SSBP2: variants seen among roughly 807,000 people sequenced by gnomAD.
The protein encoded by SSBP2 is single stranded DNA binding protein 2, also known as single-stranded DNA-binding protein 2.
Under a neutral mutation model 61.8 loss-of-function variants are expected in SSBP2, and 17 were observed. The observed-to-expected ratio is 0.28, with a 90% CI of 0.19 to 0.41. SSBP2 has a LOEUF of 0.41. Ranked by LOEUF, SSBP2 falls within the 10% of genes least tolerant of loss-of-function variation. SSBP2 has a pLI of 1.00. For missense variants in SSBP2, 310 were observed against 458.7 expected, an observed-to-expected ratio of 0.68 and a Z score of 2.96; for synonymous variants, 139 against 141.3, an observed-to-expected ratio of 0.98 and a Z score of 0.12.
At chr5:81,652,582 C>T (rs937277977) in intron 1 of SSBP2, among the ~76,000 whole-genome samples, 1 of 152,118 alleles carries the variant, frequency 6.6e-6, no homozygotes, top group Non-Finnish European at 1.5e-5. Context: ...GAAAACCTAT[C>T]TATAATGCTA....
intron 12 of SSBP2, among the ~76,000 whole-genome samples, chr5:81,445,811 C>A (rs1763367005): frequency 6.6e-6 from 1 of 152,048 alleles, no homozygotes; most frequent in Non-Finnish European, 1.5e-5. Flanking sequence ...TAAAATTTCC[C>A]ATCTACTTAA....
At chr5:81,600,108 G>A (rs554851275) in intron 4 of SSBP2, among the ~76,000 whole-genome samples, 1 of 152,038 alleles carries the variant, frequency 6.6e-6, no homozygotes, top group Non-Finnish European at 1.5e-5. Flanking sequence ...GATTAAGATG[G>A]TCTAACTGCC....
Position 81,636,598 on chromosome 5 carries a change from G to C in SSBP2, c.156C>G (p.Ile52Met). ...AGAATCCTGGTGGTTCCCCCAATGT[G>C]ATGTTTTTTTCCCATCTTATCTAAA... Residue 52 changes from isoleucine (I) to methionine (M), a missense_variant, in exon 3 of 17, where the codon ATC becomes ATG. Ile to Met is a conservative substitution (Grantham distance 10). Coordinates refer to ENST00000320672, the MANE Select transcript of SSBP2 (RefSeq NM_012446.5). 1 of 1,609,626 alleles carries C rather than the reference G, an allele frequency of 6.2e-7. No homozygotes were observed. The highest frequency in any genetic ancestry group is 8.5e-7 in the Non-Finnish European group (1 of 1,177,652).
At chr5:81,527,816 G>C (rs1356406810) in intron 4 of SSBP2, among the ~76,000 whole-genome samples, 1 of 151,050 alleles carries the variant, frequency 6.6e-6, no homozygotes, top group Non-Finnish European at 1.5e-5. Flanking sequence ...TGATGGGTTG[G>C]TAAGTGCAGC....
intron 1 of SSBP2, among the ~76,000 whole-genome samples, chr5:81,748,992 T>C (rs891483870): frequency 6.6e-6 from 1 of 152,170 alleles, no homozygotes; most frequent in African/African-American, 2.4e-5. Context: ...TAAAATTACT[T>C]TGATTCTCAA....
At chr5:81,680,651 G>A (rs384433) in intron 1 of SSBP2, among the ~76,000 whole-genome samples, 42,209 of 152,012 alleles carry the variant, frequency 0.28, 7,274 homozygotes, top group Middle Eastern at 0.53. Context: ...TCAGAGTAAG[G>A]AGGCCTATCT....
chr5:81,638,782 A>G (rs1049377953), intron 2 of SSBP2, among the ~76,000 whole-genome samples: 1 of 152,230 alleles, frequency 6.6e-6, no homozygotes, highest in African/African-American at 2.4e-5. Flanking sequence ...AGGAAAAAGG[A>G]ACAATCAGAG....
chr5:81,508,667 A>C (rs1033123786), intron 5 of SSBP2, among the ~76,000 whole-genome samples: 1 of 152,200 alleles, frequency 6.6e-6, no homozygotes. Context: ...GTTGTTATGT[A>C]TTCACAAGTT....
intron 5 of SSBP2, among the ~76,000 whole-genome samples, chr5:81,494,107 C>T (rs1005586635): frequency 9.9e-5 from 15 of 152,080 alleles, no homozygotes; most frequent in African/African-American, 2.2e-4. Flanking sequence ...CACCAAATGG[C>T]GAGTATCAAT....
rs1448153865 is a variant in SSBP2, at chr5:81,419,165, A to C, written c.*1339T>G. ...AAGGGAATTAGATTAAAAAAAATTT[A>C]CTTATTCTTTTTTGAACAGTCAGTT... On this transcript the variant is annotated 3_prime_UTR_variant, in exon 17 of 17. Coordinates refer to ENST00000320672, the MANE Select transcript of SSBP2 (RefSeq NM_012446.5). 1 of 152,200 alleles carries C rather than the reference A, an allele frequency of 6.6e-6. No homozygotes were observed. The highest frequency in any genetic ancestry group is 6.5e-5 in the Admixed American group (1 of 15,282). The allele number at this position is 152,200 out of a possible 1,614,324, so 9.4% of individuals were successfully genotyped here.
intron 6 of SSBP2, among the ~76,000 whole-genome samples, chr5:81,482,089 G>A (rs1766033967): frequency 6.6e-6 from 1 of 151,966 alleles, no homozygotes; most frequent in Non-Finnish European, 1.5e-5. Flanking sequence ...CTACAGATGT[G>A]TGCCACCAAG....
At chr5:81,639,622 C>A (rs1404735266) in intron 2 of SSBP2, among the ~76,000 whole-genome samples, 3 of 150,188 alleles carry the variant, frequency 2.0e-5, no homozygotes, top group Non-Finnish European at 4.4e-5. Context: ...CCAGAAAGAT[C>A]TCAAAAAAAA....
chr5:81,588,254 A>G (rs1204429564), intron 4 of SSBP2, among the ~76,000 whole-genome samples: 1 of 152,106 alleles, frequency 6.6e-6, no homozygotes, highest in Non-Finnish European at 1.5e-5. Context: ...AAAGACAATT[A>G]TTGACATCCT....
intron 4 of SSBP2, among the ~76,000 whole-genome samples, chr5:81,607,696 T>C (rs1745013842): frequency 6.6e-6 from 1 of 152,188 alleles, no homozygotes; most frequent in African/African-American, 2.4e-5. Flanking sequence ...GTCCCCCTTA[T>C]ACAATACTTG....
chr5:81,483,106 T>G lies in SSBP2; in HGVS notation c.432+6144A>C, dbSNP rs373633310. On this transcript the variant is annotated intron_variant, in intron 6 of 16. Transcript: ENST00000320672. ...TATGAATTAAGTTCACTGTCTTGTA[T>G]GGGCACGGTTTGTGGCAACCCAAAA... 2.8e-3 allele frequency among the ~76,000 whole-genome samples: 429 copies of G among 152,288 alleles called. 4 individuals are homozygous for G. The highest frequency in any genetic ancestry group is 0.014 in the Middle Eastern group (4 of 294).
At chr5:81,738,811 T>A (rs1436829856) in intron 1 of SSBP2, among the ~76,000 whole-genome samples, 1 of 152,146 alleles carries the variant, frequency 6.6e-6, no homozygotes, top group East Asian at 1.9e-4. Flanking sequence ...ATGCTCCATA[T>A]GATTTCCAAA....
At chr5:81,712,213 A>G (rs935885416) in intron 1 of SSBP2, among the ~76,000 whole-genome samples, 1 of 151,408 alleles carries the variant, frequency 6.6e-6, no homozygotes, top group Non-Finnish European at 1.5e-5. Flanking sequence ...GCAAAAATAA[A>G]GAAAAGTTTA....
chr5:81,640,067 G>C (rs903623613), intron 2 of SSBP2, among the ~76,000 whole-genome samples: 4 of 152,116 alleles, frequency 2.6e-5, no homozygotes, highest in Non-Finnish European at 5.9e-5. Flanking sequence ...ATTAGAAATG[G>C]GGCCAGGCGC....
chr5:81,547,036 CAAAAAA>C lies in SSBP2; in HGVS notation c.283-33325_283-33320del, dbSNP rs61254614. 1.1e-3 allele frequency among the ~76,000 whole-genome samples: 61 copies of C among 53,866 alleles called. 1 individual carries two copies. Among genetic ancestry groups the C allele is most frequent in the South Asian group, 4.6e-3 (6 of 1,306 alleles). The allele number at this position is 53,866 out of a possible 152,430, so 35.3% of individuals were successfully genotyped here. On this transcript the variant is annotated intron_variant, in intron 4 of 16. Coordinates refer to ENST00000320672, the MANE Select transcript of SSBP2 (RefSeq NM_012446.5). The stretch of plus-strand genomic sequence containing the variant: ...TTTATAGTAAAGGGCAAATCTTGGC[CAAAAAA>C]AAAAAAAAAAAAAAAGTCTATCAAG...
Sources: gnomAD v4.1 joint callset for allele counts (sites outside exome capture counted in the v4.1 genomes callset) on GRCh38, gnomAD v4.1.1 for gene constraint, MANE v1.5 for transcripts, NCBI Gene and HGNC (gene_info 2026-07-23, HGNC 2026-07-21) for gene names.